The following MTSS1 variants were observed in gnomAD, a reference collection of about 807,000 sequenced individuals.
The protein encoded by MTSS1 is MTSS I-BAR domain containing 1.
A neutral mutation model predicts 79.0 loss-of-function variants in MTSS1; 18 were observed. The observed-to-expected ratio is 0.23, with a 90% CI of 0.16 to 0.34. The LOEUF (loss-of-function observed/expected upper bound fraction) is 0.34. Ranked by LOEUF, MTSS1 falls within the 10% of genes least tolerant of loss-of-function variation. The probability of loss-of-function intolerance (pLI) is 1.00; values close to 1 mark genes in which losing one functional copy is unlikely to be tolerated. For missense variants in MTSS1, 815 were observed against 986.2 expected (o/e 0.83, Z 2.33); for synonymous variants, 341 against 368.6 (o/e 0.93, Z 0.86).
chr8:124,588,273 G>A (rs1228559611), intron 5 of MTSS1, among the ~76,000 whole-genome samples: 11 of 152,150 alleles, frequency 7.2e-5, no homozygotes, highest in South Asian at 2.1e-4. Flanking sequence ...CAGAGCACCC[G>A]GTTGGGTCTT....
chr8:124,564,599 A>C (rs1178833254), intron 9 of MTSS1: 1 of 152,082 alleles, frequency 6.6e-6, no homozygotes, highest in Non-Finnish European at 1.5e-5. Context: ...TACTCAAACT[A>C]AAATTATAAG....
intron 3 of MTSS1, among the ~76,000 whole-genome samples, chr8:124,648,441 A>C (rs2134121396): frequency 6.6e-6 from 1 of 152,238 alleles, no homozygotes; most frequent in Non-Finnish European, 1.5e-5. Context: ...TCAACAATGA[A>C]TTTCGTCTCA....
intron 3 of MTSS1, among the ~76,000 whole-genome samples, chr8:124,604,565 G>C (rs918445159): frequency 4.0e-5 from 6 of 151,196 alleles, no homozygotes; most frequent in African/African-American, 1.5e-4. Flanking sequence ...CTTCAAGGAA[G>C]AGAAAAACAT....
At chr8:124,652,196 G>C (rs1022784199) in intron 3 of MTSS1, among the ~76,000 whole-genome samples, 3 of 152,114 alleles carry the variant, frequency 2.0e-5, no homozygotes, top group Admixed American at 6.5e-5. Context: ...TATTTTGAGA[G>C]GGAGTCTTGC....
chr8:124,702,663 G>A (rs1829867693), intron 2 of MTSS1, among the ~76,000 whole-genome samples: 1 of 152,252 alleles, frequency 6.6e-6, no homozygotes, highest in East Asian at 1.9e-4. Flanking sequence ...AGGCCCGAGA[G>A]CATCACATCA....
chr8:124,716,352 C>T (rs12547684), intron 1 of MTSS1, among the ~76,000 whole-genome samples: 74,485 of 152,056 alleles, frequency 0.49, 18,717 homozygotes, highest in African/African-American at 0.59. Flanking sequence ...TCATGCTCTG[C>T]CTAGGCACAG....
Position 124,719,371 on chromosome 8 carries a change from G to A in MTSS1, c.72+8513C>T, listed in dbSNP as rs116371788. On this transcript the variant is annotated intron_variant, in intron 1 of 13. Coordinates refer to ENST00000518547, the MANE Select transcript of MTSS1 (RefSeq NM_014751.6). ...AGCAAAATAAAACTCAGTTCCGAGCGAGGGTGTCACCCAGATCAAAAGCCT... is the reference window on the plus strand; with the variant it reads ...AGCAAAATAAAACTCAGTTCCGAGCAAGGGTGTCACCCAGATCAAAAGCCT... Among the ~76,000 whole-genome samples, 835 of 152,280 alleles carry A rather than the reference G, an allele frequency of 5.5e-3. 7 individuals are homozygous for A. The highest frequency in any genetic ancestry group is 0.016 in the African/African-American group (650 of 41,552).
At chr8:124,567,618 T>A in intron 7 of MTSS1, 1 of 1,393,436 alleles carries the variant, frequency 7.2e-7, no homozygotes. Context: ...AGAAGCTAAC[T>A]TTTCCCCTTC....
Position 124,719,804 on chromosome 8 carries a change from C to T in MTSS1, c.72+8080G>A, listed in dbSNP as rs74801145. On this transcript the variant is annotated intron_variant, in intron 1 of 13. Transcript: ENST00000518547. ...ATTACTAGGGTGGCTCAAATAGATA[C>T]GAGCATTTATTTAGCACTTATTTCA... Among the ~76,000 whole-genome samples, 35 of 152,268 alleles carry T rather than the reference C, an allele frequency of 2.3e-4. No homozygotes were observed. The East Asian group carries it at 5.4e-3, about 24-fold the overall frequency.
At chr8:124,621,801 A>T (rs1181588329) in intron 3 of MTSS1, among the ~76,000 whole-genome samples, 1 of 152,120 alleles carries the variant, frequency 6.6e-6, no homozygotes, top group Non-Finnish European at 1.5e-5. Flanking sequence ...TGCCCACCTC[A>T]GCCTCCCAAG....
At chr8:124,642,924 C>T (rs1256604931) in intron 3 of MTSS1, among the ~76,000 whole-genome samples, 1 of 152,146 alleles carries the variant, frequency 6.6e-6, no homozygotes, top group African/African-American at 2.4e-5. Context: ...TGTTAAACCT[C>T]AGTTTTCTCA....
Position 124,567,169 on chromosome 8 carries a change from TTTC to T in MTSS1, c.625_627del (p.Glu209del). 2 of 1,610,578 alleles carry T rather than the reference TTTC, an allele frequency of 1.2e-6. No homozygotes were observed. The highest frequency in any genetic ancestry group is 1.7e-6 in the Non-Finnish European group (2 of 1,176,760). On this transcript the variant is annotated inframe_deletion, in exon 8 of 14. Transcript: ENST00000518547. ...TGGGTTATTTCCCCTAGCATTGAGA[TTTC>T]TTCTTCCTGAAGGAAAAGTCATTCA...
At chr8:124,658,777 C>G (rs1380991078) in intron 3 of MTSS1, among the ~76,000 whole-genome samples, 1 of 152,126 alleles carries the variant, frequency 6.6e-6, no homozygotes. Context: ...TCCACCCCCA[C>G]AGTCCAATCA....
At chr8:124,726,521 G>A (rs1020448064) in intron 1 of MTSS1, among the ~76,000 whole-genome samples, 1 of 152,204 alleles carries the variant, frequency 6.6e-6, no homozygotes. Flanking sequence ...CAAAAGGCAC[G>A]AGAGCTGTAG....
intron 3 of MTSS1, among the ~76,000 whole-genome samples, chr8:124,693,481 T>C (rs1322545506): frequency 1.3e-5 from 2 of 152,198 alleles, no homozygotes; most frequent in Non-Finnish European, 1.5e-5. Context: ...CTGGAGACCA[T>C]GGCATTTACC....
intron 3 of MTSS1, among the ~76,000 whole-genome samples, chr8:124,598,248 T>C (rs1833109263): frequency 6.6e-6 from 1 of 152,044 alleles, no homozygotes; most frequent in Non-Finnish European, 1.5e-5. Flanking sequence ...TGAGCTATGA[T>C]CACACCACCA....
At chr8:124,708,746 C>T (rs1830732027) in intron 1 of MTSS1, among the ~76,000 whole-genome samples, 2 of 152,082 alleles carry the variant, frequency 1.3e-5, no homozygotes, top group African/African-American at 4.8e-5. Flanking sequence ...AACAGCTCCC[C>T]ACCTACGAAC....
intron 7 of MTSS1, chr8:124,567,904 A>G: frequency 7.0e-7 from 1 of 1,424,504 alleles, no homozygotes; most frequent in Non-Finnish European, 9.2e-7. Flanking sequence ...TTAAAAATTA[A>G]GTCTAAATTG....
intron 3 of MTSS1, among the ~76,000 whole-genome samples, chr8:124,656,420 G>A (rs1408492986): frequency 1.3e-5 from 2 of 150,632 alleles, no homozygotes; most frequent in Non-Finnish European, 2.9e-5. Context: ...TAAAAAGTAC[G>A]ATCTCTCTAA....
Sources: allele counts gnomAD v4.1 joint callset (sites outside exome capture counted in the v4.1 genomes callset), GRCh38; gene constraint gnomAD v4.1.1; transcripts MANE v1.5; gene names NCBI Gene and HGNC (gene_info 2026-07-23, HGNC 2026-07-21).